The following SLC9B1 variants were observed in gnomAD, a reference collection of about 807,000 sequenced individuals.
SLC9B1 encodes the protein sodium/hydrogen exchanger 9B1.
SLC9B1 carries 32 observed loss-of-function variants against 51.7 expected under a neutral mutation model. The observed-to-expected ratio is 0.62, with a 90% CI of 0.47 to 0.83. The LOEUF is 0.83. Ranked by LOEUF, SLC9B1 falls within the 40% of genes least tolerant of loss-of-function variation. SLC9B1 has a pLI of 0.00. For missense variants in SLC9B1, 406 were observed against 613.2 expected (o/e 0.66, Z 3.57); for synonymous variants, 145 against 212.7 (o/e 0.68, Z 2.77).
intron 11 of SLC9B1, among the ~76,000 whole-genome samples, chr4:102,895,606 T>C (rs1225205835): frequency 6.6e-6 from 1 of 152,198 alleles, no homozygotes; most frequent in African/African-American, 2.4e-5. Context: ...TGTGTACACA[T>C]AAGAAAATTT....
intron 1 of SLC9B1, among the ~76,000 whole-genome samples, chr4:103,010,214 G>A (rs1741021462): frequency 7.0e-6 from 1 of 143,794 alleles, no homozygotes; most frequent in African/African-American, 2.7e-5. Context: ...CATAGTTCTG[G>A]AGGCTGAGAA....
At chr4:103,011,586 C>A (rs1578420121) in intron 1 of SLC9B1, among the ~76,000 whole-genome samples, 1 of 152,192 alleles carries the variant, frequency 6.6e-6, no homozygotes, top group Non-Finnish European at 1.5e-5. Flanking sequence ...GACCTCACAC[C>A]TCTGGCAGTT....
intron 11 of SLC9B1, chr4:102,890,698 C>T (rs113360567): frequency 0.059 from 8,934 of 151,790 alleles, 379 homozygotes; most frequent in Admixed American, 0.11. Context: ...AAAAATTAGC[C>T]GGGCACAGTG....
At chr4:102,965,970 G>A (rs892279967) in intron 3 of SLC9B1, among the ~76,000 whole-genome samples, 27 of 152,192 alleles carry the variant, frequency 1.8e-4, no homozygotes, top group African/African-American at 5.3e-4. Flanking sequence ...TCCACTCCAC[G>A]TGCTACCTCC....
intron 1 of SLC9B1, among the ~76,000 whole-genome samples, chr4:103,014,273 G>C (rs1015025459): frequency 6.6e-6 from 1 of 152,132 alleles, no homozygotes; most frequent in African/African-American, 2.4e-5. Flanking sequence ...TTTTCATCCA[G>C]CTAACGCTTC....
intron 3 of SLC9B1, among the ~76,000 whole-genome samples, chr4:102,988,822 G>T (rs1205221063): frequency 6.6e-6 from 1 of 152,050 alleles, no homozygotes; most frequent in Non-Finnish European, 1.5e-5. Context: ...TAGTTCTGAT[G>T]TTCTAGAACT....
intron 3 of SLC9B1, among the ~76,000 whole-genome samples, chr4:102,977,463 T>C (rs911071399): frequency 7.2e-5 from 11 of 152,128 alleles, no homozygotes; most frequent in African/African-American, 2.7e-4. Context: ...TAGTTGAGGG[T>C]AGATATTTTG....
At chr4:102,918,878 C>G (rs1735719546) in intron 7 of SLC9B1, among the ~76,000 whole-genome samples, 1 of 152,140 alleles carries the variant, frequency 6.6e-6, no homozygotes, top group Admixed American at 6.5e-5. Flanking sequence ...TAGACTTGAA[C>G]AGACATTTTT....
chr4:102,959,982 C>T (rs1383604858), intron 3 of SLC9B1, among the ~76,000 whole-genome samples: 1 of 151,464 alleles, frequency 6.6e-6, no homozygotes, highest in African/African-American at 2.4e-5. Context: ...CACCCCTGAA[C>T]CCAAAATAAA....
At chr4:102,897,399 A>G (rs1468875577), downstream of SLC9B1, 4 of 157,230 alleles carry the variant, frequency 2.5e-5, no homozygotes, top group Non-Finnish European at 5.6e-5. Flanking sequence ...GAATGGTAGA[A>G]TTGTGGGCAC....
chr4:102,964,870 G>T (rs1174028501), intron 3 of SLC9B1, among the ~76,000 whole-genome samples: 3 of 152,052 alleles, frequency 2.0e-5, no homozygotes, highest in Non-Finnish European at 2.9e-5. Context: ...TCTAGATTAG[G>T]AAACATGCAA....
chr4:102,978,011 A>C (rs984615909), intron 3 of SLC9B1, among the ~76,000 whole-genome samples: 2 of 151,960 alleles, frequency 1.3e-5, no homozygotes, highest in South Asian at 4.2e-4. Context: ...TCCTGTGTCC[A>C]TGTGTTCTCA....
downstream of SLC9B1, chr4:102,897,990 C>G (rs2110417664): frequency 2.5e-6 from 1 of 399,018 alleles, no homozygotes; most frequent in East Asian, 6.3e-5. Flanking sequence ...ATGATGGCAT[C>G]TGCTCCTCCT....
intron 3 of SLC9B1, among the ~76,000 whole-genome samples, chr4:102,983,431 C>T (rs1739458901): frequency 1.3e-5 from 2 of 152,120 alleles, no homozygotes; most frequent in South Asian, 4.1e-4. Flanking sequence ...ATTCCTTCTG[C>T]TTATGTCTTC....
chr4:102,889,795 A>T (rs1183999212), intron 11 of SLC9B1: 2 of 152,184 alleles, frequency 1.3e-5, no homozygotes, highest in Admixed American at 1.3e-4. Context: ...CTTCTTGTAA[A>T]TTTACACAAT....
downstream of SLC9B1, chr4:102,898,238 T>A: frequency 2.0e-6 from 1 of 512,046 alleles, no homozygotes; most frequent in Non-Finnish European, 3.9e-6. Context: ...TTCCAATTAT[T>A]TAAAACTGAT....
rs186358727 is a variant in SLC9B1 at position 102,933,295 on chromosome 4, G to A, written c.654-996C>T. 5.8e-3 allele frequency among the ~76,000 whole-genome samples: 883 copies of A among 151,858 alleles called. 6 individuals carry two copies. Among genetic ancestry groups the A allele is most frequent in the Non-Finnish European group, 0.01 (686 of 67,922 alleles). On this transcript the variant is annotated intron_variant, in intron 6 of 11. Coordinates refer to ENST00000296422, the MANE Select transcript of SLC9B1 (RefSeq NM_139173.4). ...ATCTGCCAATGACTGACTGATGTGA[G>A]TGTCTAATAGTTTAGCCCATTTGCT...
chr4:102,899,041 T>C (rs2110418680), downstream of SLC9B1, among the ~76,000 whole-genome samples: 1 of 152,154 alleles, frequency 6.6e-6, no homozygotes, highest in South Asian at 2.1e-4. Context: ...CCAGCCTTAT[T>C]TGTTTAAATA....
downstream of SLC9B1, chr4:102,896,673 GT>G (rs1462924299): frequency 5.9e-5 from 9 of 152,230 alleles, no homozygotes; most frequent in African/African-American, 2.2e-4. Context: ...CCTTCAGGCT[GT>G]TTTAGTCTTG....
Sources: gnomAD v4.1 joint callset for allele counts (sites outside exome capture counted in the v4.1 genomes callset) on GRCh38, gnomAD v4.1.1 for gene constraint, MANE v1.5 for transcripts, NCBI Gene and HGNC (gene_info 2026-07-23, HGNC 2026-07-21) for gene names.